HOMER1: variants seen among roughly 807,000 people sequenced by gnomAD.
HOMER1 encodes homer scaffold protein 1.
A neutral mutation model predicts 48.9 loss-of-function variants in HOMER1; 3 were observed. The observed-to-expected ratio is 0.06, with a 90% CI of 0.03 to 0.16. The LOEUF is 0.16. Among genes scored for constraint, HOMER1 ranks in the 10% least tolerant of loss-of-function variants. HOMER1 has a pLI of 1.00. For missense variants in HOMER1, 247 were observed against 411.4 expected (o/e 0.60, Z 3.46); for synonymous variants, 134 against 146.4 (o/e 0.92, Z 0.61).
chr5:79,431,575 GAA>G (rs1750426401), intron 5 of HOMER1, among the ~76,000 whole-genome samples: 1 of 152,030 alleles, frequency 6.6e-6, no homozygotes, highest in African/African-American at 2.4e-5. Flanking sequence ...ACAACTCTGT[GAA>G]TATACTAAAA....
At chr5:79,502,844 G>A (rs569485058) in intron 1 of HOMER1, among the ~76,000 whole-genome samples, 80 of 152,234 alleles carry the variant, frequency 5.3e-4, no homozygotes, top group African/African-American at 1.7e-3. Flanking sequence ...AGGCTGGAGT[G>A]CAGTGGCGCA....
intron 5 of HOMER1, among the ~76,000 whole-genome samples, chr5:79,414,137 G>C (rs1487670905): frequency 6.6e-6 from 1 of 152,116 alleles, no homozygotes; most frequent in East Asian, 1.9e-4. Flanking sequence ...ACCCAGGCTG[G>C]AGTGCAGTGA....
chr5:79,436,819 T>A (rs1469580326), intron 5 of HOMER1, among the ~76,000 whole-genome samples: 2 of 152,208 alleles, frequency 1.3e-5, no homozygotes, highest in African/African-American at 4.8e-5. Flanking sequence ...TTCAGTCAAG[T>A]AACTAGTGAA....
intron 1 of HOMER1, among the ~76,000 whole-genome samples, chr5:79,505,666 G>C (rs1042403874): frequency 1.8e-4 from 28 of 152,014 alleles, no homozygotes; most frequent in Non-Finnish European, 2.9e-5. Context: ...ATTAATATTA[G>C]GTGTTAAGAG....
At chr5:79,502,820 T>C (rs561740977) in intron 1 of HOMER1, among the ~76,000 whole-genome samples, 1 of 152,320 alleles carries the variant, frequency 6.6e-6, no homozygotes, top group East Asian at 1.9e-4. Context: ...TGAGACAGTC[T>C]CGCTCTGTCG....
At chr5:79,427,370 G>GC (rs1750285992) in intron 5 of HOMER1, among the ~76,000 whole-genome samples, 1 of 150,998 alleles carries the variant, frequency 6.6e-6, no homozygotes, top group East Asian at 1.9e-4. Flanking sequence ...AATTTATCCA[G>GC]TTTTTTTTTG....
chr5:79,396,706 G>C (rs6872497), intron 8 of HOMER1, 117 bp downstream of exon 8: 1 of 513,772 alleles, frequency 1.9e-6, no homozygotes, highest in Non-Finnish European at 3.4e-6. Flanking sequence ...CAGAAGTCCC[G>C]GAAAAGAAAA....
In HOMER1 at chr5:79,379,116, A is replaced by AT. The variant is rs1561340324; in HGVS notation, c.877-2920_877-2919insA. On this transcript the variant is annotated intron_variant, in intron 8 of 8. Coordinates refer to ENST00000334082, the MANE Select transcript of HOMER1 (RefSeq NM_004272.5). ...TATATATATATATATATATATATAAAATATATAAATATTTATTTATATATA... is the reference window on the plus strand; with the variant it reads ...TATATATATATATATATATATATAAATATATATAAATATTTATTTATATATA... Among the ~76,000 whole-genome samples, 16 of 84,034 alleles carry AT rather than the reference A, an allele frequency of 1.9e-4. 1 individual carries two copies. Among genetic ancestry groups the AT allele is most frequent in the African/African-American group, 7.9e-4 (15 of 18,958 alleles). 55.1% of individuals were successfully genotyped at this position (84,034 alleles called of 152,430 possible).
intron 1 of HOMER1, among the ~76,000 whole-genome samples, chr5:79,499,835 C>G (rs2094151574): frequency 6.6e-6 from 1 of 152,198 alleles, no homozygotes; most frequent in African/African-American, 2.4e-5. Flanking sequence ...CTCAAGTGTT[C>G]TGTCTGCTTA....
At chr5:79,451,639 A>C (rs1400232652) in intron 2 of HOMER1, among the ~76,000 whole-genome samples, 1 of 137,402 alleles carries the variant, frequency 7.3e-6, no homozygotes, top group South Asian at 2.3e-4. Flanking sequence ...GATCTCGGCT[A>C]ACTGCAAGCT....
chr5:79,487,926 C>G (rs1445571743), intron 1 of HOMER1, among the ~76,000 whole-genome samples: 1 of 152,028 alleles, frequency 6.6e-6, no homozygotes. Flanking sequence ...GCAGGCAGTA[C>G]AGACAAAACA....
chr5:79,429,305 G>A (rs1750355811), intron 5 of HOMER1, among the ~76,000 whole-genome samples: 1 of 152,130 alleles, frequency 6.6e-6, no homozygotes. Flanking sequence ...AACCCAGGAG[G>A]CAGAGGTTGC....
chr5:79,490,792 A>AAC lies in HOMER1; in HGVS notation c.5+21977_5+21978insGT, dbSNP rs148573552. On this transcript the variant is annotated intron_variant, in intron 1 of 8. Transcript: ENST00000334082. The stretch of plus-strand genomic sequence containing the variant: ...ACCAAAAAAAAAAACAAAAAAAAAA[A>AAC]CCATAAAAAAATTAGCCAGGCATGG... Among the ~76,000 whole-genome samples, 478 of 145,822 alleles carry AAC rather than the reference A, an allele frequency of 3.3e-3. 15 individuals carry two copies. Among genetic ancestry groups the AAC allele is most frequent in the African/African-American group, 9.6e-3 (364 of 37,876 alleles).
intron 6 of HOMER1, among the ~76,000 whole-genome samples, chr5:79,398,482 C>T (rs1749451385): frequency 6.6e-6 from 1 of 152,096 alleles, no homozygotes; most frequent in Non-Finnish European, 1.5e-5. Context: ...CCTCTACATT[C>T]TGTGATTCTC....
At chr5:79,421,767 G>A (rs1281297216) in intron 5 of HOMER1, among the ~76,000 whole-genome samples, 2 of 151,998 alleles carry the variant, frequency 1.3e-5, no homozygotes, top group East Asian at 3.9e-4. Context: ...ACCATGCCCA[G>A]CTAATTTTTT....
At chr5:79,393,505 A>G (rs1420426691) in intron 8 of HOMER1, among the ~76,000 whole-genome samples, 7 of 152,218 alleles carry the variant, frequency 4.6e-5, no homozygotes, top group African/African-American at 1.2e-4. Flanking sequence ...AAATTGTTCA[A>G]TGTTATTCAT....
chr5:79,464,364 T>C (rs1341350437), intron 1 of HOMER1, among the ~76,000 whole-genome samples: 1 of 152,152 alleles, frequency 6.6e-6, no homozygotes, highest in African/African-American at 2.4e-5. Context: ...CATTCTACCC[T>C]CAGCTTGCTT....
intron 1 of HOMER1, among the ~76,000 whole-genome samples, chr5:79,505,235 G>A (rs1752714541): frequency 6.6e-6 from 1 of 152,008 alleles, no homozygotes. Context: ...CTCCAGCCTG[G>A]GTGACACAGC....
chr5:79,482,212 C>A (rs1241048709), intron 1 of HOMER1, among the ~76,000 whole-genome samples: 1 of 151,834 alleles, frequency 6.6e-6, no homozygotes, highest in East Asian at 1.9e-4. Flanking sequence ...AGAGTGACAC[C>A]CTGTCTCAAA....
Sources: allele counts gnomAD v4.1 joint callset (sites outside exome capture counted in the v4.1 genomes callset), GRCh38; gene constraint gnomAD v4.1.1; transcripts MANE v1.5; gene names NCBI Gene and HGNC (gene_info 2026-07-23, HGNC 2026-07-21).